Variants in HSD17B8 observed in about 807,000 individuals in gnomAD.
HSD17B8 encodes the protein (3R)-3-hydroxyacyl-CoA dehydrogenase.
Under a neutral mutation model 33.2 loss-of-function variants are expected in HSD17B8, and 23 were observed. That is an observed-to-expected ratio of 0.69 (90% CI 0.50 to 0.98). HSD17B8 has a LOEUF of 0.98. Ranked by LOEUF, HSD17B8 falls within the 50% of genes least tolerant of loss-of-function variation. The probability of loss-of-function intolerance (pLI) is 0.00; values close to 1 mark genes in which losing one functional copy is unlikely to be tolerated. For missense variants in HSD17B8, 345 were observed against 347.5 expected (o/e 0.99, Z 0.06); for synonymous variants, 137 against 138.6 (o/e 0.99, Z 0.08).
chr6:33,204,719 A>C lies in HSD17B8; in HGVS notation c.51A>C (p.Thr17=). Residue 17 remains threonine (T), a splice_region_variant and synonymous_variant, in exon 1 of 9, where the codon ACA becomes ACC. Coordinates refer to ENST00000374662, the MANE Select transcript of HSD17B8 (RefSeq NM_014234.5). ...NRLRSALALV[T]GAGSGIGRAV... is the part of the protein sequence containing the mutation. ...TCCGCTCCGCACTGGCCTTGGTCAC[A>C]GGTTGAGGGGGTTCTTTCCCCGGGC... 1.2e-6 allele frequency: 2 copies of C among 1,612,926 alleles called. No individual in the cohort carries two copies. Among genetic ancestry groups the C allele is most frequent in the South Asian group, 2.2e-5 (2 of 91,072 alleles).
At position 33,204,982 on chromosome 6, in the gene HSD17B8, C is replaced by T; in HGVS notation, c.133C>T (p.Arg45Trp). 3 of 1,481,830 alleles carry T rather than the reference C, an allele frequency of 2.0e-6. No homozygotes were observed. The highest frequency in any genetic ancestry group is 2.6e-5 in the Admixed American group (1 of 39,176). The allele number at this position is 1,481,830 out of a possible 1,614,324, so 91.8% of individuals were successfully genotyped here. Reference sequence around the variant, plus strand: ...CACCGTAGCTGCCTGCGACCTGGACCGGGCAGCGGCACAGGAGACGGTGCG... The same window carrying T: ...CACCGTAGCTGCCTGCGACCTGGACTGGGCAGCGGCACAGGAGACGGTGCG... ...GATVAACDLD[R>W]AAAQETVRLL... The change falls in exon 2 of 9, where the codon CGG (arginine) becomes TGG (tryptophan). Residue 45 changes from arginine to tryptophan, a missense_variant. Physicochemically the swap from Arg to Trp is moderately radical, Grantham distance 101. Coordinates refer to ENST00000374662, the MANE Select transcript of HSD17B8 (RefSeq NM_014234.5).
Position 33,206,420 on chromosome 6 carries a change from A to T in HSD17B8, c.740A>T (p.Tyr247Phe). The T allele has an allele frequency of 6.2e-7, 1 of 1,614,048 alleles. No individual in the cohort carries two copies. Among genetic ancestry groups the T allele is most frequent in the Non-Finnish European group, 8.5e-7 (1 of 1,179,976 alleles). The change falls in exon 8 of 9, where the codon TAC becomes TTC. Residue 247 changes from tyrosine to phenylalanine, a missense_variant. By Grantham distance (22) the Tyr-to-Phe change is conservative. Coordinates refer to ENST00000374662, the MANE Select transcript of HSD17B8 (RefSeq NM_014234.5). The surrounding 1 kb of genome is among the most constrained non-coding windows in gnomAD (Gnocchi z 6.2). The part of the protein sequence containing the change: ...VAFLASEDSG[Y>F]ITGTSVEVTG... ...TTCTTGGCATCTGAAGATAGTGGAT[A>T]CATCACAGGGACCTCAGTGGAAGTC...
In HSD17B8 at chr6:33,206,613, G is replaced by T. The variant is rs1433603002; in HGVS notation, c.770-25G>T. Reference sequence around the variant, plus strand: ...CATTTGTGTCTCCACCCATGCATCTGTCCAAATGTTTCTGCCCCTCCCAGG... The same window carrying T: ...CATTTGTGTCTCCACCCATGCATCTTTCCAAATGTTTCTGCCCCTCCCAGG... On this transcript the variant is annotated intron_variant, in intron 8 of 8. Coordinates refer to ENST00000374662, the MANE Select transcript of HSD17B8 (RefSeq NM_014234.5). The surrounding 1 kb of genome is among the most constrained non-coding windows in gnomAD (Gnocchi z 6.2). 6.2e-7 allele frequency: 1 copy of T among 1,613,662 alleles called. No individual in the cohort carries two copies. Among genetic ancestry groups the T allele is most frequent in the Non-Finnish European group, 8.5e-7 (1 of 1,179,600 alleles).
At chr6:33,204,803 C>A (rs1253669538) in intron 1 of HSD17B8, 83 bp downstream of exon 1, 1 of 1,575,126 alleles carries the variant, frequency 6.3e-7, no homozygotes, top group Non-Finnish European at 8.6e-7. Context: ...GCCGCTGTGA[C>A]CTCTGGCCCC....
chr6:33,206,679 C>T lies in HSD17B8; in HGVS notation c.*25C>T. On this transcript the variant is annotated 3_prime_UTR_variant, in exon 9 of 9. Coordinates refer to ENST00000374662, the MANE Select transcript of HSD17B8 (RefSeq NM_014234.5). This position sits in a 1 kb window ranked among gnomAD's most constrained non-coding sequence, Gnocchi z 6.2. ...ACTGCCTCAAGGACCCTGGACTCTG[C>T]TCACCCCCCCACCACTCTGCCTGGC... The T allele has an allele frequency of 6.2e-7, 1 of 1,612,264 alleles. No individual in the cohort carries two copies. Among genetic ancestry groups the T allele is most frequent in the Non-Finnish European group, 8.5e-7 (1 of 1,178,378 alleles).
rs550548519 is a variant in HSD17B8, at chr6:33,205,407, C to A, written c.388-40C>A. ...GAGGGAGTTGGAGGAGGGCTGTCAC[C>A]CCAGCTGATCTTTTCTCCCTTGTTA... On this transcript the variant is annotated intron_variant, in intron 3 of 8. Coordinates refer to ENST00000374662, the MANE Select transcript of HSD17B8 (RefSeq NM_014234.5). This position sits in a 1 kb window ranked among gnomAD's most constrained non-coding sequence, Gnocchi z 5.0. 4.4e-6 allele frequency: 7 copies of A among 1,608,126 alleles called. No homozygotes were observed. The East Asian group carries it at 1.6e-4, about 36-fold the overall frequency.
chr6:33,206,154 G>A lies in HSD17B8; in HGVS notation c.672G>A (p.Met224Ile). Residue 224 changes from methionine (M) to isoleucine (I), a missense_variant, in exon 7 of 9, where the codon ATG becomes ATA. Transcript: ENST00000374662. The surrounding 1 kb of genome is among the most constrained non-coding windows in gnomAD (Gnocchi z 6.2). ...TACAGATTACTGAAATGATCCCGAT[G>A]GGACACTTGGGGGACCCTGAGGGTG... ...VVDKITEMIP[M>I]GHLGDPEDVA... 1 of 1,612,916 alleles carries A rather than the reference G, an allele frequency of 6.2e-7. No homozygotes were observed. The highest frequency in any genetic ancestry group is 8.5e-7 in the Non-Finnish European group (1 of 1,179,924).
chr6:33,206,418 A>C lies in HSD17B8; in HGVS notation c.738A>C (p.Gly246=), dbSNP rs746030709. ...VVAFLASEDS[G]YITGTSVEVT... ...CATTCTTGGCATCTGAAGATAGTGG[A>C]TACATCACAGGGACCTCAGTGGAAG... The change falls in exon 8 of 9, where the codon GGA becomes GGC. Residue 246 remains glycine (G), a synonymous_variant. Coordinates refer to ENST00000374662, the MANE Select transcript of HSD17B8 (RefSeq NM_014234.5). The surrounding 1 kb of genome is among the most constrained non-coding windows in gnomAD (Gnocchi z 6.2). 1.9e-6 allele frequency: 3 copies of C among 1,614,004 alleles called. No homozygotes were observed. The highest frequency in any genetic ancestry group is 2.5e-6 in the Non-Finnish European group (3 of 1,179,964).
chr6:33,205,133 C>T lies in HSD17B8; in HGVS notation c.270+14C>T. ...GAACAAGTGCAGGTGAACGCTAGGC[C>T]ACTTTCCCCCTCTAAAGCTCTGATA... On this transcript the variant is annotated intron_variant, in intron 2 of 8. Coordinates refer to ENST00000374662, the MANE Select transcript of HSD17B8 (RefSeq NM_014234.5). The surrounding 1 kb of genome is among the most constrained non-coding windows in gnomAD (Gnocchi z 5.0). The T allele has an allele frequency of 6.3e-7, 1 of 1,578,758 alleles. No homozygotes were observed. The highest frequency in any genetic ancestry group is 8.6e-7 in the Non-Finnish European group (1 of 1,160,430).
At position 33,205,323 on chromosome 6, in the gene HSD17B8, G is replaced by T. The variant is rs1341563472; in HGVS notation, c.373G>T (p.Ala125Ser). 6.2e-7 allele frequency: 1 copy of T among 1,613,020 alleles called. No homozygotes were observed. Among genetic ancestry groups the T allele is most frequent in the East Asian group, 2.2e-5 (1 of 44,882 alleles). ...TGAGGATGACTGGGACAAAGTCATA[G>T]CTGTCAACCTCAAGGTGGCGATCTC... The part of the protein sequence containing the change: ...MSEDDWDKVI[A>S]VNLKGTFLVT... The change falls in exon 3 of 9, where the codon GCT becomes TCT. Residue 125 changes from alanine (A) to serine (S), a missense_variant. Coordinates refer to ENST00000374662, the MANE Select transcript of HSD17B8 (RefSeq NM_014234.5). This position sits in a 1 kb window ranked among gnomAD's most constrained non-coding sequence, Gnocchi z 5.0.
At position 33,206,631 on chromosome 6, in the gene HSD17B8, C is replaced by G. The variant is rs1365653519; in HGVS notation, c.770-7C>G. 6.2e-7 allele frequency: 1 copy of G among 1,613,818 alleles called. No individual in the cohort carries two copies. Among genetic ancestry groups the G allele is most frequent in the Admixed American group, 1.7e-5 (1 of 59,994 alleles). On this transcript the variant is annotated splice_polypyrimidine_tract_variant and splice_region_variant and intron_variant, in intron 8 of 8. Coordinates refer to ENST00000374662, the MANE Select transcript of HSD17B8 (RefSeq NM_014234.5). This position sits in a 1 kb window ranked among gnomAD's most constrained non-coding sequence, Gnocchi z 6.2. ...TGCATCTGTCCAAATGTTTCTGCCCCTCCCAGGAGGTCTTTTCATGTAACT... is the reference window on the plus strand; with the variant it reads ...TGCATCTGTCCAAATGTTTCTGCCCGTCCCAGGAGGTCTTTTCATGTAACT...
rs1220086400 is a variant in HSD17B8 at position 33,205,105 on chromosome 6, C to G, written c.256C>G (p.Leu86Val). The G allele has an allele frequency of 6.4e-7, 1 of 1,567,590 alleles. No individual in the cohort carries two copies. The highest frequency in any genetic ancestry group is 8.6e-7 in the Non-Finnish European group (1 of 1,156,230). Residue 86 changes from leucine to valine, a missense_variant, in exon 2 of 9, where the codon CTG becomes GTG. Coordinates refer to ENST00000374662, the MANE Select transcript of HSD17B8 (RefSeq NM_014234.5). This position sits in a 1 kb window ranked among gnomAD's most constrained non-coding sequence, Gnocchi z 5.0. Reference sequence around the variant, plus strand: ...TGAGGCCAGGGCCGCCAGGTGCCTGCTGGAACAAGTGCAGGTGAACGCTAG... The same window carrying G: ...TGAGGCCAGGGCCGCCAGGTGCCTGGTGGAACAAGTGCAGGTGAACGCTAG... ...VSEARAARCL[L>V]EQVQACFSRP...
Position 33,204,678 on chromosome 6 carries a change from C to A in HSD17B8, c.10C>A (p.Gln4Lys). The change falls in exon 1 of 9, where the codon CAG (glutamine) becomes AAG (lysine). Residue 4 changes from glutamine to lysine, a missense_variant. Transcript: ENST00000374662. MAS[Q>K]LQNRLRSALA... is the part of the protein sequence containing the mutation. ...CCACCCACAGCCCGCCATGGCGTCTCAGCTCCAGAACCGACTCCGCTCCGC... is the reference window on the plus strand; with the variant it reads ...CCACCCACAGCCCGCCATGGCGTCTAAGCTCCAGAACCGACTCCGCTCCGC... 1.9e-6 allele frequency: 3 copies of A among 1,612,742 alleles called. No individual in the cohort carries two copies. In the South Asian group the frequency reaches 3.3e-5, roughly 18 times the overall value.
chr6:33,205,898 A>G lies in HSD17B8; in HGVS notation c.637A>G (p.Lys213Glu). 6.2e-7 allele frequency: 1 copy of G among 1,612,764 alleles called. No individual in the cohort carries two copies. The highest frequency in any genetic ancestry group is 8.5e-7 in the Non-Finnish European group (1 of 1,179,808). ...ATPMTQKVPQ[K>E]VVDKITEMIP... ...ACCCATGACACAGAAAGTGCCACAG[A>G]AAGTGGTGGACAAGGTAGGAGGCTG... is the stretch of plus-strand genomic sequence containing the variant. Residue 213 changes from lysine (K) to glutamate (E), a missense_variant, in exon 6 of 9, where the codon AAA becomes GAA. Lys to Glu is a moderately conservative substitution (Grantham distance 56). Transcript: ENST00000374662. This position sits in a 1 kb window ranked among gnomAD's most constrained non-coding sequence, Gnocchi z 5.0.
In HSD17B8 at chr6:33,206,274, T is replaced by A; in HGVS notation, c.694+98T>A. 1 of 1,550,972 alleles carries A rather than the reference T, an allele frequency of 6.4e-7. No individual in the cohort carries two copies. The highest frequency in any genetic ancestry group is 1.1e-5 in the South Asian group (1 of 89,690). On this transcript the variant is annotated intron_variant, in intron 7 of 8. Coordinates refer to ENST00000374662, the MANE Select transcript of HSD17B8 (RefSeq NM_014234.5). This position sits in a 1 kb window ranked among gnomAD's most constrained non-coding sequence, Gnocchi z 6.2. ...CTAGGGGACTGGTGGTTGGTGTCTG[T>A]GGAGAGGTTTGTGGGGAGGGATGTC...
chr6:33,205,145 C>T lies in HSD17B8; in HGVS notation c.270+26C>T. ...GTGAACGCTAGGCCACTTTCCCCCT[C>T]TAAAGCTCTGATATTGCCTCCACTG... On this transcript the variant is annotated intron_variant, in intron 2 of 8. Transcript: ENST00000374662. This position sits in a 1 kb window ranked among gnomAD's most constrained non-coding sequence, Gnocchi z 5.0. 6.3e-7 allele frequency: 1 copy of T among 1,591,716 alleles called. No individual in the cohort carries two copies. Among genetic ancestry groups the T allele is most frequent in the Non-Finnish European group, 8.6e-7 (1 of 1,167,706 alleles).
Position 33,206,198 on chromosome 6 carries a change from G to A in HSD17B8, c.694+22G>A. On this transcript the variant is annotated intron_variant, in intron 7 of 8. Coordinates refer to ENST00000374662, the MANE Select transcript of HSD17B8 (RefSeq NM_014234.5). This position sits in a 1 kb window ranked among gnomAD's most constrained non-coding sequence, Gnocchi z 6.2. Reference sequence around the variant, plus strand: ...GAGGGTGAGCACTGAATGTAGTGGGGTCCCTGGGAAGGGGGCCTGAATGAA... The same window carrying A: ...GAGGGTGAGCACTGAATGTAGTGGGATCCCTGGGAAGGGGGCCTGAATGAA... The A allele has an allele frequency of 6.2e-7, 1 of 1,611,274 alleles. No individual in the cohort carries two copies. Among genetic ancestry groups the A allele is most frequent in the Non-Finnish European group, 8.5e-7 (1 of 1,178,750 alleles).
At position 33,206,354 on chromosome 6, in the gene HSD17B8, C is replaced by T. The variant is rs766047251; in HGVS notation, c.695-21C>T. The T allele has an allele frequency of 3.1e-6, 5 of 1,611,462 alleles. No individual in the cohort carries two copies. The highest frequency in any genetic ancestry group is 4.2e-6 in the Non-Finnish European group (5 of 1,178,550). On this transcript the variant is annotated intron_variant, in intron 7 of 8. Transcript: ENST00000374662. The surrounding 1 kb of genome is among the most constrained non-coding windows in gnomAD (Gnocchi z 6.2). ...CTATGGGAGTGAGCAGAATTCTGCC[C>T]TCTCCCCACCATTCTCATAGATGTG...
Position 33,206,708 on chromosome 6 carries a change from C to T in HSD17B8, c.*54C>T. Reference sequence around the variant, plus strand: ...CCCCCCCACCACTCTGCCTGGCCTCCTGCTGATGAGGACTCTAAGTTCCCA... The same window carrying T: ...CCCCCCCACCACTCTGCCTGGCCTCTTGCTGATGAGGACTCTAAGTTCCCA... On this transcript the variant is annotated 3_prime_UTR_variant, in exon 9 of 9. Coordinates refer to ENST00000374662, the MANE Select transcript of HSD17B8 (RefSeq NM_014234.5). The surrounding 1 kb of genome is among the most constrained non-coding windows in gnomAD (Gnocchi z 6.2). 6.3e-7 allele frequency: 1 copy of T among 1,584,766 alleles called. No homozygotes were observed. Among genetic ancestry groups the T allele is most frequent in the Non-Finnish European group, 8.7e-7 (1 of 1,153,362 alleles).
Sources: allele counts gnomAD v4.1 joint callset, GRCh38; gene constraint gnomAD v4.1.1; non-coding constraint Gnocchi (gnomAD v3.1); transcripts MANE v1.5; gene names NCBI Gene and HGNC (gene_info 2026-07-23, HGNC 2026-07-21).